The following TMEM74 variants were observed in gnomAD, a reference collection of about 807,000 sequenced individuals.
The protein encoded by TMEM74 is transmembrane protein 74.
Under a neutral mutation model 18.1 loss-of-function variants are expected in TMEM74, and 13 were observed. That is an observed-to-expected ratio of 0.72 (90% CI 0.47 to 1.14). TMEM74 has a LOEUF of 1.14. Ranked by LOEUF, TMEM74 falls within the 50% of genes most tolerant of loss-of-function variation. The pLI, the probability that TMEM74 is intolerant of heterozygous loss-of-function variation, is 0.00. For missense variants in TMEM74, 372 were observed against 375.9 expected (o/e 0.99, Z 0.09); for synonymous variants, 159 against 146.6 (o/e 1.08, Z -0.61).
intron 1 of TMEM74, among the ~76,000 whole-genome samples, chr8:108,655,798 G>A (rs1444353766): frequency 6.6e-6 from 1 of 152,108 alleles, no homozygotes; most frequent in Non-Finnish European, 1.5e-5. Context: ...TAGTAAACAA[G>A]GTTACCATCA....
chr8:108,650,315 T>C (rs1812760981), intron 2 of TMEM74, among the ~76,000 whole-genome samples: 1 of 152,166 alleles, frequency 6.6e-6, no homozygotes. Context: ...TTATCCTCTT[T>C]CTCCCTCCAA....
At chr8:108,643,841 A>G (rs978823201) in intron 2 of TMEM74, among the ~76,000 whole-genome samples, 2 of 152,172 alleles carry the variant, frequency 1.3e-5, no homozygotes, top group African/African-American at 2.4e-5. Context: ...CTGCTGAAAG[A>G]AATCAGAGAT....
chr8:108,704,840 G>C (rs1415087478), intron 1 of TMEM74, among the ~76,000 whole-genome samples: 1 of 152,168 alleles, frequency 6.6e-6, no homozygotes, highest in Non-Finnish European at 1.5e-5. Context: ...AGGATTATGT[G>C]TAAAATAAAG....
intron 1 of TMEM74, among the ~76,000 whole-genome samples, chr8:108,722,325 A>T (rs1311929031): frequency 6.6e-6 from 1 of 152,158 alleles, no homozygotes; most frequent in Non-Finnish European, 1.5e-5. Context: ...ACCACAAATG[A>T]ATTCTTGTAA....
intron 1 of TMEM74, among the ~76,000 whole-genome samples, chr8:108,697,652 A>G (rs928535798): frequency 1.3e-5 from 2 of 152,166 alleles, no homozygotes; most frequent in African/African-American, 4.8e-5. Context: ...CCTGGCCTCA[A>G]GAGATCCTTT....
At chr8:108,658,707 C>T (rs377023633) in intron 1 of TMEM74, among the ~76,000 whole-genome samples, 3 of 152,156 alleles carry the variant, frequency 2.0e-5, no homozygotes, top group Admixed American at 6.6e-5. Flanking sequence ...TGAGCCTCTT[C>T]GTAATGTTGT....
chr8:108,643,446 G>T (rs1215586869), intron 2 of TMEM74, among the ~76,000 whole-genome samples: 1 of 152,110 alleles, frequency 6.6e-6, no homozygotes, highest in Admixed American at 6.6e-5. Context: ...AATTTGTATA[G>T]ATATATTTAT....
chr8:108,757,628 A>T (rs1813990345), intron 1 of TMEM74, among the ~76,000 whole-genome samples: 2 of 152,008 alleles, frequency 1.3e-5, no homozygotes, highest in African/African-American at 4.8e-5. Flanking sequence ...TTTTTTAAAC[A>T]ATACATTGCT....
chr8:108,722,742 A>ATT (rs72170216), intron 1 of TMEM74, among the ~76,000 whole-genome samples: 3 of 150,206 alleles, frequency 2.0e-5, no homozygotes, highest in African/African-American at 7.3e-5. Flanking sequence ...ACTAAGCTGT[A>ATT]TTTTTTTTTT....
chr8:108,737,418 A>T (rs901318973), intron 1 of TMEM74, among the ~76,000 whole-genome samples: 1 of 152,224 alleles, frequency 6.6e-6, no homozygotes, highest in Non-Finnish European at 1.5e-5. Context: ...TGCTCCAGAT[A>T]GAATATCACT....
At chr8:108,612,173 C>G (rs756128012) in intron 2 of TMEM74, among the ~76,000 whole-genome samples, 19 of 151,936 alleles carry the variant, frequency 1.3e-4, no homozygotes, top group African/African-American at 4.4e-4. Context: ...GGTGGGGACA[C>G]AGCCAAACTA....
chr8:108,732,904 T>C (rs573813668), intron 1 of TMEM74, among the ~76,000 whole-genome samples: 6 of 151,796 alleles, frequency 4.0e-5, no homozygotes, highest in African/African-American at 9.7e-5. Flanking sequence ...TCACAAAATA[T>C]GATATATGAA....
intron 1 of TMEM74, among the ~76,000 whole-genome samples, chr8:108,707,049 G>T (rs981306912): frequency 6.6e-6 from 1 of 151,778 alleles, no homozygotes; most frequent in African/African-American, 2.4e-5. Flanking sequence ...CACGGATGAA[G>T]CTGGAAACCA....
At chr8:108,747,068 C>A (rs1813855351) in intron 1 of TMEM74, among the ~76,000 whole-genome samples, 1 of 152,100 alleles carries the variant, frequency 6.6e-6, no homozygotes. Flanking sequence ...TTGATAGCCA[C>A]ACAGTCAGGA....
At chr8:108,657,859 AATATATATATATATATATATAT>A (rs1175396487) in intron 1 of TMEM74, among the ~76,000 whole-genome samples, 1 of 49,878 alleles carries the variant, frequency 2.0e-5, no homozygotes, top group African/African-American at 8.1e-5. Flanking sequence ...AAAAAAAAAA[AATATATATATATATATATATAT>A]ATATATATAT....
intron 2 of TMEM74, among the ~76,000 whole-genome samples, chr8:108,628,956 TC>T (rs1350743565): frequency 6.6e-6 from 1 of 152,094 alleles, no homozygotes; most frequent in Non-Finnish European, 1.5e-5. Flanking sequence ...TCTGTTAATA[TC>T]CTTTGCCCAC....
intron 2 of TMEM74, among the ~76,000 whole-genome samples, chr8:108,634,527 A>G (rs1812587938): frequency 6.6e-6 from 1 of 151,860 alleles, no homozygotes; most frequent in African/African-American, 2.4e-5. Flanking sequence ...GAATAAGGCT[A>G]CCCACACCAG....
At chr8:108,664,212 G>A (rs1812927735) in intron 1 of TMEM74, among the ~76,000 whole-genome samples, 1 of 152,052 alleles carries the variant, frequency 6.6e-6, no homozygotes, top group Non-Finnish European at 1.5e-5. Context: ...ACATTCCTTT[G>A]GGCAGTTTGG....
chr8:108,613,308 C>A (rs908050755), intron 2 of TMEM74, among the ~76,000 whole-genome samples: 6 of 152,198 alleles, frequency 3.9e-5, no homozygotes, highest in African/African-American at 1.4e-4. Flanking sequence ...CCAGCCAGGG[C>A]TGCCCCCAAG....
Sources: gnomAD v4.1 joint callset for allele counts (sites outside exome capture counted in the v4.1 genomes callset) on GRCh38, gnomAD v4.1.1 for gene constraint, MANE v1.5 for transcripts, NCBI Gene and HGNC (gene_info 2026-07-23, HGNC 2026-07-21) for gene names.